Variants in TRIM56 observed in about 807,000 individuals in gnomAD.
The protein encoded by TRIM56 is E3 ubiquitin-protein ligase TRIM56.
In TRIM56, 10 loss-of-function variants were observed where a neutral mutation model predicts 17.1. That is an observed-to-expected ratio of 0.58 (90% CI 0.36 to 0.99). TRIM56 has a LOEUF of 0.99. TRIM56 is among the 50% of genes least tolerant of loss of function. The probability of loss-of-function intolerance (pLI) is 0.01; values close to 1 mark genes in which losing one functional copy is unlikely to be tolerated. For synonymous variants in TRIM56, 503 were observed against 473.5 expected (o/e 1.06, Z -0.81); for missense variants, 923 against 1,052.3 (o/e 0.88, Z 1.70).
Position 101,087,649 on chromosome 7 carries a change from G to C in TRIM56, c.337G>C (p.Gly113Arg). The part of the protein sequence containing the change: ...LCPLVGGTST[G>R]GPATARCLDC... ...TCCCCTGGTGGGTGGCACCAGCACCGGGGGGCCGGCCACGGCCCGGTGCCT... is the reference window on the plus strand; with the variant it reads ...TCCCCTGGTGGGTGGCACCAGCACCCGGGGGCCGGCCACGGCCCGGTGCCT... The change falls in exon 3 of 3, where the codon GGG becomes CGG. Residue 113 changes from glycine to arginine, a missense_variant. This residue lies in a region of TRIM56 where 643 missense variants were observed against 665.6 expected (regional missense o/e 0.97). Coordinates refer to ENST00000306085, the MANE Select transcript of TRIM56 (RefSeq NM_030961.3). The C allele has an allele frequency of 6.2e-7, 1 of 1,606,790 alleles. No individual in the cohort carries two copies. Among genetic ancestry groups the C allele is most frequent in the Non-Finnish European group, 8.5e-7 (1 of 1,177,342 alleles).
rs747333210 is a variant in TRIM56 at position 101,087,814 on chromosome 7, C to T, written c.502C>T (p.Gln168Ter). Reference protein sequence around the residue: ...DEEARERQAAQCPQHPGEALR... With the variant: ...DEEARERQAA ...GGAGGCCCGGGAGCGCCAAGCGGCC[C>T]AGTGTCCCCAGCACCCCGGGGAGGC... Residue 168 changes from glutamine (Q) to a stop codon, truncating the protein, a stop_gained, in exon 3 of 3, where the codon CAG (glutamine) becomes TAG (stop). Transcript: ENST00000306085. LOFTEE classifies it low-confidence loss of function (END_TRUNC). The T allele has an allele frequency of 6.2e-7, 1 of 1,605,432 alleles. No homozygotes were observed. The highest frequency in any genetic ancestry group is 8.5e-7 in the Non-Finnish European group (1 of 1,177,690).
At position 101,087,153 on chromosome 7, in the gene TRIM56, G is replaced by A. The variant is rs1384039583; in HGVS notation, c.-17G>A. ...CAAGGCCTCAGAAGACTAGAAGGAA[G>A]TTCCTGGCCATTCAGGTGAGACCTC... On this transcript the variant is annotated 5_prime_UTR_variant, in exon 2 of 3. Coordinates refer to ENST00000306085, the MANE Select transcript of TRIM56 (RefSeq NM_030961.3). 3 of 704,848 alleles carry A rather than the reference G, an allele frequency of 4.3e-6. No homozygotes were observed. Among genetic ancestry groups the A allele is most frequent in the Non-Finnish European group, 7.3e-6 (3 of 413,700 alleles). The allele number at this position is 704,848 out of a possible 1,614,324, so 43.7% of individuals were successfully genotyped here.
intron 1 of TRIM56, among the ~76,000 whole-genome samples, chr7:101,085,839 C>G (rs1295177447): frequency 6.6e-6 from 1 of 152,200 alleles, no homozygotes; most frequent in Non-Finnish European, 1.5e-5. Context: ...CTAGTCTGCC[C>G]AACAAGTAGG....
At chr7:101,086,619 C>A (rs926152060) in intron 1 of TRIM56, among the ~76,000 whole-genome samples, 1 of 147,948 alleles carries the variant, frequency 6.8e-6, no homozygotes, top group African/African-American at 2.5e-5. Flanking sequence ...GTACTCCCAA[C>A]TACTCAAAAG....
In TRIM56 at chr7:101,097,300, G is replaced by A. The variant is rs1795665492; in HGVS notation, c.*7720G>A. The A allele has an allele frequency of 6.6e-6, 1 of 152,186 alleles. No individual in the cohort carries two copies. Among genetic ancestry groups the A allele is most frequent in the South Asian group, 2.1e-4 (1 of 4,830 alleles). 9.4% of individuals were successfully genotyped at this position (152,186 alleles called of 1,614,324 possible). On this transcript the variant is annotated 3_prime_UTR_variant, in exon 3 of 3. Transcript: ENST00000306085. Reference sequence around the variant, plus strand: ...AAATTAAGTGGGAGATTGGAAAGGGGTGCGGACTTCTGTATTGGGGAGAAG... The same window carrying A: ...AAATTAAGTGGGAGATTGGAAAGGGATGCGGACTTCTGTATTGGGGAGAAG...
Position 101,089,241 on chromosome 7 carries a change from C to G in TRIM56, c.1929C>G (p.Ser643Arg). The G allele has an allele frequency of 6.2e-7, 1 of 1,612,792 alleles. No homozygotes were observed. The highest frequency in any genetic ancestry group is 8.5e-7 in the Non-Finnish European group (1 of 1,179,024). The change falls in exon 3 of 3, where the codon AGC becomes AGG. Residue 643 changes from serine to arginine, a missense_variant. By Grantham distance (110) the Ser-to-Arg change is moderately radical (BLOSUM62 -1). This residue lies in a region of TRIM56 where 182 missense variants were observed against 243.1 expected (regional missense o/e 0.75). Coordinates refer to ENST00000306085, the MANE Select transcript of TRIM56 (RefSeq NM_030961.3). ...GLRALVFLTT[S>R]PQGHFVGSDW... ...GGGCGCTGGTGTTTCTGACCACCAGCCCCCAGGGGCATTTCGTGGGGTCGG... is the reference window on the plus strand; with the variant it reads ...GGGCGCTGGTGTTTCTGACCACCAGGCCCCAGGGGCATTTCGTGGGGTCGG...
At position 101,088,102 on chromosome 7, in the gene TRIM56, C is replaced by G. The variant is rs762533124; in HGVS notation, c.790C>G (p.Arg264Gly). Reference sequence around the variant, plus strand: ...GGAGGAGGCGGCTGAGGGCGTCCTCCGGGCCCTGCTGGCCCAGAAGCAGGA... The same window carrying G: ...GGAGGAGGCGGCTGAGGGCGTCCTCGGGGCCCTGCTGGCCCAGAAGCAGGA... The part of the protein sequence containing the change: ...QVEEAAEGVL[R>G]ALLAQKQEVL... The change falls in exon 3 of 3, where the codon CGG (arginine) becomes GGG (glycine). Residue 264 changes from arginine to glycine, a missense_variant. Arg to Gly is a moderately radical substitution (Grantham distance 125). Coordinates refer to ENST00000306085, the MANE Select transcript of TRIM56 (RefSeq NM_030961.3). The G allele has an allele frequency of 6.6e-7, 1 of 1,506,968 alleles. No individual in the cohort carries two copies. Among genetic ancestry groups the G allele is most frequent in the Admixed American group, 2.1e-5 (1 of 48,228 alleles). 93.3% of individuals were successfully genotyped at this position (1,506,968 alleles called of 1,614,324 possible).
chr7:101,090,454 A>G lies in TRIM56; in HGVS notation c.*874A>G, dbSNP rs1441315092. The G allele has an allele frequency of 1.3e-5, 2 of 154,480 alleles. No individual in the cohort carries two copies. The highest frequency in any genetic ancestry group is 2.1e-4 in the South Asian group (1 of 4,828). 9.6% of individuals were successfully genotyped at this position (154,480 alleles called of 1,614,324 possible). A position where few individuals can be genotyped will look rare whatever the true frequency, so the allele number is the denominator to read the frequency against. On this transcript the variant is annotated 3_prime_UTR_variant, in exon 3 of 3. Coordinates refer to ENST00000306085, the MANE Select transcript of TRIM56 (RefSeq NM_030961.3). Reference sequence around the variant, plus strand: ...AGCCTGGGCAACATAGCGAGACCCCATCTCTACAAAAGATTAAAAATTAGC... The same window carrying G: ...AGCCTGGGCAACATAGCGAGACCCCGTCTCTACAAAAGATTAAAAATTAGC...
At position 101,088,575 on chromosome 7, in the gene TRIM56, G is replaced by A; in HGVS notation, c.1263G>A (p.Glu421=). 2 of 1,609,762 alleles carry A rather than the reference G, an allele frequency of 1.2e-6. No homozygotes were observed. Among genetic ancestry groups the A allele is most frequent in the Non-Finnish European group, 1.7e-6 (2 of 1,176,596 alleles). ...GAGATGGAGCCCAGACCCCAAAAGA[G>A]GAAAAAGCCCAGACAACCCGAGAAG... The part of the protein sequence containing the change: ...QAGDGAQTPK[E]EKAQTTREEG... Residue 421 remains glutamate, a synonymous_variant, in exon 3 of 3, where the codon GAG becomes GAA. Coordinates refer to ENST00000306085, the MANE Select transcript of TRIM56 (RefSeq NM_030961.3).
In TRIM56 at chr7:101,088,649, A is replaced by C; in HGVS notation, c.1337A>C (p.Asp446Ala). The change falls in exon 3 of 3, where the codon GAT (aspartate) becomes GCT (alanine). Residue 446 changes from aspartate (D) to alanine (A), a missense_variant. Physicochemically the swap from Asp to Ala is moderately radical, Grantham distance 126. Coordinates refer to ENST00000306085, the MANE Select transcript of TRIM56 (RefSeq NM_030961.3). ...EEDRAQTPHE[D>A]GGPQPHRGGR... ...GACAGGGCCCAGACACCCCACGAGG[A>C]TGGAGGACCCCAGCCCCACAGGGGT... is the stretch of plus-strand genomic sequence containing the variant. 25 of 1,613,998 alleles carry C rather than the reference A, an allele frequency of 1.5e-5. No homozygotes were observed. The highest frequency in any genetic ancestry group is 2.0e-5 in the Non-Finnish European group (24 of 1,179,892).
rs886718623 is a variant in TRIM56, at chr7:101,096,714, T to C, written c.*7134T>C. On this transcript the variant is annotated 3_prime_UTR_variant, in exon 3 of 3. Coordinates refer to ENST00000306085, the MANE Select transcript of TRIM56 (RefSeq NM_030961.3). ...CCATCAGCATAAGCGTGTATGAGGA[T>C]GTTAGGTACATGTGTTGTGAGTGAA... is the stretch of plus-strand genomic sequence containing the variant. The C allele has an allele frequency of 1.3e-5, 2 of 152,214 alleles. No individual in the cohort carries two copies. Among genetic ancestry groups the C allele is most frequent in the African/African-American group, 4.8e-5 (2 of 41,450 alleles). The allele number at this position is 152,214 out of a possible 1,614,324, so 9.4% of individuals were successfully genotyped here.
chr7:101,091,176 A>T lies in TRIM56; in HGVS notation c.*1596A>T, dbSNP rs1419804439. On this transcript the variant is annotated 3_prime_UTR_variant, in exon 3 of 3. Transcript: ENST00000306085. ...GTAGGCTTGGAGAATGTTTTTAGCC[A>T]GGGGCTGTTGAGAGATGGCAGAAGG... The T allele has an allele frequency of 6.6e-6, 1 of 152,284 alleles. No homozygotes were observed. The highest frequency in any genetic ancestry group is 2.4e-5 in the African/African-American group (1 of 41,428). The allele number at this position is 152,284 out of a possible 1,614,324, so 9.4% of individuals were successfully genotyped here. A position where few individuals can be genotyped will look rare whatever the true frequency, so the allele number is the denominator to read the frequency against.
At position 101,088,596 on chromosome 7, in the gene TRIM56, A is replaced by G; in HGVS notation, c.1284A>G (p.Arg428=). The G allele has an allele frequency of 6.2e-7, 1 of 1,612,952 alleles. No homozygotes were observed. The highest frequency in any genetic ancestry group is 8.5e-7 in the Non-Finnish European group (1 of 1,179,144). ...AAGAGGAAAAAGCCCAGACAACCCG[A>G]GAAGAGGGAGCCCAGACCTTGGAGG... is the stretch of plus-strand genomic sequence containing the variant. ...TPKEEKAQTT[R]EEGAQTLEED... Residue 428 remains arginine, a synonymous_variant, in exon 3 of 3, where the codon CGA becomes CGG. Coordinates refer to ENST00000306085, the MANE Select transcript of TRIM56 (RefSeq NM_030961.3).
In TRIM56 at chr7:101,095,566, C is replaced by T. The variant is rs1795642689; in HGVS notation, c.*5986C>T. The T allele has an allele frequency of 6.6e-6, 1 of 152,136 alleles. No homozygotes were observed. The highest frequency in any genetic ancestry group is 2.1e-4 in the South Asian group (1 of 4,830). 9.4% of individuals were successfully genotyped at this position (152,136 alleles called of 1,614,324 possible). A position where few individuals can be genotyped will look rare whatever the true frequency, so the allele number is the denominator to read the frequency against. ...AATGATTCTAGCCACGTGGCCCACC[C>T]AGGGGGCAAAACAATAGAAACCTTC... is the stretch of plus-strand genomic sequence containing the variant. On this transcript the variant is annotated 3_prime_UTR_variant, in exon 3 of 3. Coordinates refer to ENST00000306085, the MANE Select transcript of TRIM56 (RefSeq NM_030961.3).
Position 101,091,744 on chromosome 7 carries a change from A to AAAAAGAAAAG in TRIM56, c.*2167_*2168insAGAAAAGAAA, listed in dbSNP as rs1795567974. ...CTCCATCTCAAAAAAAAAGAAAAAG[A>AAAAAGAAAAG]AAAGAAAGAAAACCAAGGTCCCTCT... is the stretch of plus-strand genomic sequence containing the variant. On this transcript the variant is annotated 3_prime_UTR_variant, in exon 3 of 3. Coordinates refer to ENST00000306085, the MANE Select transcript of TRIM56 (RefSeq NM_030961.3). 1 of 446,122 alleles carries AAAAAGAAAAG rather than the reference A, an allele frequency of 2.2e-6. No homozygotes were observed. Among genetic ancestry groups the AAAAAGAAAAG allele is most frequent in the Admixed American group, 2.5e-5 (1 of 40,680 alleles). The allele number at this position is 446,122 out of a possible 1,614,324, so 27.6% of individuals were successfully genotyped here.
Position 101,097,481 on chromosome 7 carries a change from T to G in TRIM56, c.*7901T>G, listed in dbSNP as rs1223720957. 1 of 152,186 alleles carries G rather than the reference T, an allele frequency of 6.6e-6. No individual in the cohort carries two copies. The highest frequency in any genetic ancestry group is 1.5e-5 in the Non-Finnish European group (1 of 68,036). The allele number at this position is 152,186 out of a possible 1,614,324, so 9.4% of individuals were successfully genotyped here. On this transcript the variant is annotated 3_prime_UTR_variant, in exon 3 of 3. Coordinates refer to ENST00000306085, the MANE Select transcript of TRIM56 (RefSeq NM_030961.3). ...TACCCAACTGGATTGTGAATGCAGT[T>G]TATGAAATGGATCAGGACAGGAGCA...
intron 1 of TRIM56, among the ~76,000 whole-genome samples, chr7:101,086,270 TG>T (rs1198292477): frequency 6.6e-6 from 1 of 152,090 alleles, no homozygotes; most frequent in Non-Finnish European, 1.5e-5. Flanking sequence ...AAAAATGGGC[TG>T]GCTGGGCCCC....
At position 101,089,514 on chromosome 7, in the gene TRIM56, G is replaced by T; in HGVS notation, c.2202G>T (p.Arg734Ser). 1.9e-6 allele frequency: 3 copies of T among 1,614,234 alleles called. No homozygotes were observed. The highest frequency in any genetic ancestry group is 2.5e-6 in the Non-Finnish European group (3 of 1,180,046). ...GGGTTACCACCATGGTGGATGGCAG[G>T]TACCTGGTCGTGTCCCTCAGTAACG... ...KPRVTTMVDG[R>S]YLVVSLSNGT... The change falls in exon 3 of 3, where the codon AGG becomes AGT. Residue 734 changes from arginine (R) to serine (S), a missense_variant. This residue lies in a region of TRIM56 where 182 missense variants were observed against 243.1 expected (regional missense o/e 0.75). Transcript: ENST00000306085.
rs750376423 is a variant in TRIM56, at chr7:101,088,564, A to G, written c.1252A>G (p.Thr418Ala). 4.3e-6 allele frequency: 7 copies of G among 1,609,738 alleles called. No individual in the cohort carries two copies. The African/African-American group carries it at 9.4e-5, about 22-fold the overall frequency. Residue 418 changes from threonine (T) to alanine (A), a missense_variant, in exon 3 of 3, where the codon ACC becomes GCC. By Grantham distance (58) the Thr-to-Ala change is moderately conservative (BLOSUM62 0). Transcript: ENST00000306085. ...GCCCCAGGCTGGAGATGGAGCCCAG[A>G]CCCCAAAAGAGGAAAAAGCCCAGAC... The part of the protein sequence containing the change: ...VQPQAGDGAQ[T>A]PKEEKAQTTR...
Sources: gnomAD v4.1 joint callset for allele counts (sites outside exome capture counted in the v4.1 genomes callset) on GRCh38, gnomAD v4.1.1 for gene constraint, gnomAD v4.1.1 regional missense constraint, MANE v1.5 for transcripts, NCBI Gene and HGNC (gene_info 2026-07-23, HGNC 2026-07-21) for gene names.